ZNF146: variants seen among roughly 807,000 people sequenced by gnomAD.
ZNF146 encodes the protein zinc finger protein 146.
ZNF146 carries 9 observed loss-of-function variants against 22.2 expected under a neutral mutation model. That is an observed-to-expected ratio of 0.41 (90% CI 0.24 to 0.71). The LOEUF (loss-of-function observed/expected upper bound fraction) is 0.71, where lower values mean the gene tolerates loss of function less well. Among genes scored for constraint, ZNF146 ranks in the 30% least tolerant of loss-of-function variants. ZNF146 has a pLI of 0.34. For synonymous variants in ZNF146, 108 were observed against 119.2 expected (o/e 0.91, Z 0.61); for missense variants, 194 against 344.8 (o/e 0.56, Z 3.46).
At position 36,236,484 on chromosome 19, in the gene ZNF146, C is replaced by G. The variant is rs1458667569; in HGVS notation, c.44C>G (p.Pro15Arg). 6.2e-7 allele frequency: 1 copy of G among 1,613,384 alleles called. No individual in the cohort carries two copies. The highest frequency in any genetic ancestry group is 8.5e-7 in the Non-Finnish European group (1 of 1,179,696). ...SQQRIYSGEN[P>R]FACKVCGKVF... ...CAGAGAATTTACAGTGGGGAAAACCCCTTTGCCTGTAAGGTATGTGGAAAA... is the reference window on the plus strand; with the variant it reads ...CAGAGAATTTACAGTGGGGAAAACCGCTTTGCCTGTAAGGTATGTGGAAAA... Residue 15 changes from proline (P) to arginine (R), a missense_variant, in exon 4 of 4, where the codon CCC (proline) becomes CGC (arginine). Around this residue, in one of 2 missense-constraint regions of ZNF146, gnomAD observed 47 missense variants for 44.7 expected, o/e 1.05. Transcript: ENST00000443387.
chr19:36,217,055 C>CTTTTTT (rs752632008), intron 1 of ZNF146, among the ~76,000 whole-genome samples: 1,019 of 65,846 alleles, frequency 0.015, 104 homozygotes, highest in African/African-American at 0.026. Flanking sequence ...CAGTCCCTGT[C>CTTTTTT]TTTTTTTTTT....
At chr19:36,234,767 G>A (rs1977574255) in intron 3 of ZNF146, among the ~76,000 whole-genome samples, 2 of 152,172 alleles carry the variant, frequency 1.3e-5, no homozygotes. Context: ...TTTAATCTCT[G>A]ATTTCCGTAT....
chr19:36,236,628 A>G lies in ZNF146; in HGVS notation c.188A>G (p.Gln63Arg). The G allele has an allele frequency of 1.2e-6, 2 of 1,614,224 alleles. No homozygotes were observed. The highest frequency in any genetic ancestry group is 2.2e-5 in the East Asian group (1 of 44,880). Residue 63 changes from glutamine to arginine, a missense_variant, in exon 4 of 4, where the codon CAG (glutamine) becomes CGG (arginine). Around this residue, in one of 2 missense-constraint regions of ZNF146, gnomAD observed 147 missense variants for 300.1 expected, o/e 0.49. Coordinates refer to ENST00000443387, the MANE Select transcript of ZNF146 (RefSeq NM_007145.3). ...CAAAAGCAGTATGTCATTAAACATC[A>G]GAACACCCATACTGGCGAGAAGCTT... ...FSQKQYVIKH[Q>R]NTHTGEKLFE...
At chr19:36,223,741 A>G (rs1976960952) in intron 2 of ZNF146, among the ~76,000 whole-genome samples, 1 of 151,934 alleles carries the variant, frequency 6.6e-6, no homozygotes, top group Non-Finnish European at 1.5e-5. Context: ...ATAAAGTTAC[A>G]GTTTTTTGTT....
rs142385306 is a variant in ZNF146 at position 36,229,047 on chromosome 19, C to T, written c.-783+228C>T. On this transcript the variant is annotated intron_variant, in intron 3 of 3. Coordinates refer to ENST00000443387, the MANE Select transcript of ZNF146 (RefSeq NM_007145.3). Reference sequence around the variant, plus strand: ...GCCCCTCCTGTTGCTGTTCTGATGTCAGCCTTCCTGCTTCGTCTGTGCCGC... The same window carrying T: ...GCCCCTCCTGTTGCTGTTCTGATGTTAGCCTTCCTGCTTCGTCTGTGCCGC... Among the ~76,000 whole-genome samples the T allele has an allele frequency of 1.2e-3, 182 of 152,360 alleles. 2 individuals are homozygous for T. Among genetic ancestry groups the T allele is most frequent in the Middle Eastern group, 3.4e-3 (1 of 294 alleles).
chr19:36,231,935 G>T (rs368449725), intron 3 of ZNF146, among the ~76,000 whole-genome samples: 1 of 151,726 alleles, frequency 6.6e-6, no homozygotes, highest in East Asian at 1.9e-4. Flanking sequence ...AGACTCGGTG[G>T]TTCACCCCTG....
Position 36,236,342 on chromosome 19 carries a change from A to G in ZNF146, c.-99A>G. 1 of 1,386,680 alleles carries G rather than the reference A, an allele frequency of 7.2e-7. No individual in the cohort carries two copies. The highest frequency in any genetic ancestry group is 9.8e-7 in the Non-Finnish European group (1 of 1,024,868). The allele number at this position is 1,386,680 out of a possible 1,614,324, so 85.9% of individuals were successfully genotyped here. A position where few individuals can be genotyped will look rare whatever the true frequency, so the allele number is the denominator to read the frequency against. ...ATACACAGAGAAGCCTTATAAATGT[A>G]AGAGATGTGGAAATATCTTCAGCCA... On this transcript the variant is annotated 5_prime_UTR_variant, in exon 4 of 4. It removes the in-frame stop codon of an upstream open reading frame in the 5' UTR. Coordinates refer to ENST00000443387, the MANE Select transcript of ZNF146 (RefSeq NM_007145.3).
rs1241961458 is a variant in ZNF146 at position 36,235,855 on chromosome 19, A to G, written c.-586A>G. ...TTTGAAGTTTTCAGTTTGAAACACA[A>G]CCTGGACTGAAATCATGAGGGAGGT... is the stretch of plus-strand genomic sequence containing the variant. On this transcript the variant is annotated 5_prime_UTR_variant, in exon 4 of 4. Coordinates refer to ENST00000443387, the MANE Select transcript of ZNF146 (RefSeq NM_007145.3). The G allele has an allele frequency of 2.0e-5, 3 of 152,400 alleles. No individual in the cohort carries two copies. Among genetic ancestry groups the G allele is most frequent in the African/African-American group, 7.2e-5 (3 of 41,592 alleles). The allele number at this position is 152,400 out of a possible 1,614,324, so 9.4% of individuals were successfully genotyped here.
chr19:36,229,141 GT>G (rs1977209680), intron 3 of ZNF146, among the ~76,000 whole-genome samples: 1 of 152,112 alleles, frequency 6.6e-6, no homozygotes, highest in South Asian at 2.1e-4. Flanking sequence ...TTTATACTTT[GT>G]AAAACCTTAC....
At chr19:36,222,778 C>CTTTTTTTTTTTTTTTTTTT (rs55668684) in intron 2 of ZNF146, among the ~76,000 whole-genome samples, 2 of 100,886 alleles carry the variant, frequency 2.0e-5, no homozygotes, top group African/African-American at 3.7e-5. Flanking sequence ...TGAGTGGTGG[C>CTTTTTTTTTTTTTTTTTTT]TTTTTTTTTT....
chr19:36,228,882 A>C (rs1004013926), intron 3 of ZNF146, 63 bp downstream of exon 3: 2 of 152,240 alleles, frequency 1.3e-5, no homozygotes, highest in South Asian at 4.1e-4. Flanking sequence ...AAGTGCTTCA[A>C]AGGATGTTTT....
At position 36,235,973 on chromosome 19, in the gene ZNF146, T is replaced by A. The variant is rs117641533; in HGVS notation, c.-468T>A. ...TTAACCCCCTTTAAGTGTAAATGTC[T>A]TTGGTTTAAAACGTTTGTACCTCAT... On this transcript the variant is annotated 5_prime_UTR_variant, in exon 4 of 4. Transcript: ENST00000443387. 144 of 157,174 alleles carry A rather than the reference T, an allele frequency of 9.2e-4. No homozygotes were observed. In the East Asian group the frequency reaches 0.018, roughly 19 times the overall value. 9.7% of individuals were successfully genotyped at this position (157,174 alleles called of 1,614,324 possible). A position where few individuals can be genotyped will look rare whatever the true frequency, so the allele number is the denominator to read the frequency against.
At chr19:36,220,091 C>A (rs1171420036) in intron 2 of ZNF146, among the ~76,000 whole-genome samples, 1 of 152,146 alleles carries the variant, frequency 6.6e-6, no homozygotes, top group East Asian at 1.9e-4. Context: ...TCCTGCACTG[C>A]AGGCTTGTAT....
chr19:36,228,225 C>G (rs56686317), intron 2 of ZNF146, among the ~76,000 whole-genome samples: 39,035 of 150,632 alleles, frequency 0.26, 5,432 homozygotes, highest in African/African-American at 0.37. Flanking sequence ...AATAGGACTT[C>G]AGGAAAATGT....
chr19:36,236,846 A>C lies in ZNF146; in HGVS notation c.406A>C (p.Thr136Pro). 6.2e-7 allele frequency: 1 copy of C among 1,613,902 alleles called. No individual in the cohort carries two copies. Among genetic ancestry groups the C allele is most frequent in the African/African-American group, 1.3e-5 (1 of 74,954 alleles). ...CTTTGTATGTAAGGAGTGTGGAAAA[A>C]CCTTCAGTGGCAAATCCAACCTTAC... ...KPFVCKECGKTFSGKSNLTEH... is the reference protein window; with the variant it reads ...KPFVCKECGKPFSGKSNLTEH... Residue 136 changes from threonine to proline, a missense_variant, in exon 4 of 4, where the codon ACC (threonine) becomes CCC (proline). By Grantham distance (38) the Thr-to-Pro change is conservative. This residue lies in a region of ZNF146 where 147 missense variants were observed against 300.1 expected (regional missense o/e 0.49). Transcript: ENST00000443387.
At chr19:36,232,609 CTT>C (rs548903056) in intron 3 of ZNF146, among the ~76,000 whole-genome samples, 2 of 140,064 alleles carry the variant, frequency 1.4e-5, no homozygotes, top group African/African-American at 2.6e-5. Context: ...TTTCTTTTTT[CTT>C]TTTTTTTTTT....
In ZNF146 at chr19:36,237,972, C is replaced by G. The variant is rs1977706653; in HGVS notation, c.*653C>G. ...ATGACCTTGGGAATAGGGAAACATTCCTTGGAACAATTTGAGAAATACTTA... is the reference window on the plus strand; with the variant it reads ...ATGACCTTGGGAATAGGGAAACATTGCTTGGAACAATTTGAGAAATACTTA... On this transcript the variant is annotated 3_prime_UTR_variant, in exon 4 of 4. Transcript: ENST00000443387. 6.0e-6 allele frequency: 1 copy of G among 166,984 alleles called. No homozygotes were observed. Among genetic ancestry groups the G allele is most frequent in the Non-Finnish European group, 1.5e-5 (1 of 68,106 alleles). The allele number at this position is 166,984 out of a possible 1,614,324, so 10.3% of individuals were successfully genotyped here.
chr19:36,233,942 CT>C (rs1977521296), intron 3 of ZNF146, among the ~76,000 whole-genome samples: 1 of 152,202 alleles, frequency 6.6e-6, no homozygotes, highest in Admixed American at 6.5e-5. Context: ...ACGGTCAGGT[CT>C]TTCCCTTCCC....
In ZNF146 at chr19:36,238,674, T is replaced by C. The variant is rs1269653379; in HGVS notation, c.*1355T>C. ...TAAATACTAAACATTTTATAGAAAA[T>C]ATTTCTAAAATTTTATCACGGATGA... On this transcript the variant is annotated 3_prime_UTR_variant, in exon 4 of 4. Coordinates refer to ENST00000443387, the MANE Select transcript of ZNF146 (RefSeq NM_007145.3). 6.0e-6 allele frequency: 1 copy of C among 167,104 alleles called. No individual in the cohort carries two copies. Among genetic ancestry groups the C allele is most frequent in the Non-Finnish European group, 1.5e-5 (1 of 68,126 alleles). 10.4% of individuals were successfully genotyped at this position (167,104 alleles called of 1,614,324 possible).
Sources: gnomAD v4.1 joint callset for allele counts (sites outside exome capture counted in the v4.1 genomes callset) on GRCh38, gnomAD v4.1.1 for gene constraint, gnomAD v4.1.1 regional missense constraint, MANE v1.5 for transcripts, NCBI Gene and HGNC (gene_info 2026-07-23, HGNC 2026-07-21) for gene names.